PRKACB: variants seen among roughly 807,000 people sequenced by gnomAD.
PRKACB encodes protein kinase cAMP-activated catalytic subunit beta, also known as cAMP-dependent protein kinase catalytic subunit beta.
A neutral mutation model predicts 51.4 loss-of-function variants in PRKACB; 16 were observed. That is an observed-to-expected ratio of 0.31 (90% CI 0.21 to 0.47). The LOEUF is 0.47. PRKACB is among the 20% of genes least tolerant of loss of function. PRKACB has a pLI of 1.00. For synonymous variants in PRKACB, 147 were observed against 154.4 expected (o/e 0.95, Z 0.35); for missense variants, 309 against 464.5 (o/e 0.67, Z 3.08).
chr1:84,211,623 G>A (rs1239234967), intron 8 of PRKACB, among the ~76,000 whole-genome samples: 1 of 152,096 alleles, frequency 6.6e-6, no homozygotes, highest in African/African-American at 2.4e-5. Flanking sequence ...TTGAATCATG[G>A]AAGGAGAATA....
chr1:84,219,230 T>G (rs1281340589), intron 9 of PRKACB, among the ~76,000 whole-genome samples: 1 of 151,194 alleles, frequency 6.6e-6, no homozygotes, highest in African/African-American at 2.4e-5. Flanking sequence ...TTATTAGGTT[T>G]TTTTTTTTTT....
intron 1 of PRKACB, among the ~76,000 whole-genome samples, chr1:84,166,085 A>C (rs1657372058): frequency 2.0e-5 from 3 of 151,666 alleles, no homozygotes; most frequent in African/African-American, 7.2e-5. Context: ...AAACCTCTTA[A>C]ACACTGTTAT....
At chr1:84,188,121 CA>C (rs1333870253) in intron 5 of PRKACB, among the ~76,000 whole-genome samples, 1 of 151,288 alleles carries the variant, frequency 6.6e-6, no homozygotes, top group African/African-American at 2.4e-5. Context: ...TCTTTTTTTA[CA>C]AAAATATACT....
At chr1:84,173,565 G>A (rs943207330) in intron 1 of PRKACB, among the ~76,000 whole-genome samples, 1 of 151,630 alleles carries the variant, frequency 6.6e-6, no homozygotes, top group East Asian at 1.9e-4. Context: ...TATTTGAATA[G>A]GGGTGGAAGA....
At position 84,235,674 on chromosome 1, in the gene PRKACB, G is replaced by A. The variant is rs1676600721; in HGVS notation, c.*369G>A. On this transcript the variant is annotated 3_prime_UTR_variant, in exon 10 of 10. Coordinates refer to ENST00000370685, the MANE Select transcript of PRKACB (RefSeq NM_182948.4). ...GTGTTATGGCTACGTGATATTTGAA[G>A]GGAAGGATAAGTGTTGCTTTCAGTA... is the stretch of plus-strand genomic sequence containing the variant. 1 of 165,628 alleles carries A rather than the reference G, an allele frequency of 6.0e-6. No homozygotes were observed. The highest frequency in any genetic ancestry group is 1.3e-5 in the Non-Finnish European group (1 of 77,116). The allele number at this position is 165,628 out of a possible 1,614,324, so 10.3% of individuals were successfully genotyped here.
chr1:84,197,788 T>G lies in PRKACB; in HGVS notation c.747T>G (p.Thr249=), dbSNP rs1465095288. The G allele has an allele frequency of 1.2e-6, 2 of 1,611,780 alleles. No individual in the cohort carries two copies. Among genetic ancestry groups the G allele is most frequent in the Non-Finnish European group, 8.5e-7 (1 of 1,178,456 alleles). ...VKGRTWTLCG[T]PEYLAPEIIL... is the part of the protein sequence containing the mutation. ...GCAGAACTTGGACATTATGTGGAAC[T>G]CCAGAGTATTTGGCTCCAGAAATAA... Residue 249 remains threonine (T), a synonymous_variant, in exon 7 of 10, where the codon ACT becomes ACG. Transcript: ENST00000370685.
intron 1 of PRKACB, among the ~76,000 whole-genome samples, chr1:84,100,806 T>C (rs985605993): frequency 4.6e-5 from 7 of 152,264 alleles, no homozygotes; most frequent in African/African-American, 1.2e-4. Flanking sequence ...TACAACTCTT[T>C]GAGGTGGGAA....
intron 1 of PRKACB, among the ~76,000 whole-genome samples, chr1:84,132,322 A>G (rs1652316237): frequency 6.6e-6 from 1 of 152,194 alleles, no homozygotes; most frequent in African/African-American, 2.4e-5. Context: ...CTCAAAGTCA[A>G]TGGATGAGAC....
At chr1:84,199,923 A>G (rs1572373568) in intron 7 of PRKACB, among the ~76,000 whole-genome samples, 2 of 151,816 alleles carry the variant, frequency 1.3e-5, no homozygotes, top group Admixed American at 6.6e-5. Context: ...TCGGTTCACT[A>G]CAACCTCTGC....
chr1:84,202,886 T>A lies in PRKACB; in HGVS notation c.906+81T>A, dbSNP rs557205375. The A allele has an allele frequency of 1.5e-5, 18 of 1,207,682 alleles. No homozygotes were observed. The South Asian group carries it at 3.3e-4, about 22-fold the overall frequency. The allele number at this position is 1,207,682 out of a possible 1,614,324, so 74.8% of individuals were successfully genotyped here. On this transcript the variant is annotated intron_variant, in intron 8 of 9. Coordinates refer to ENST00000370685, the MANE Select transcript of PRKACB (RefSeq NM_182948.4). ...CATGAATTGAAACTATATTGTGTCA[T>A]AATTATTATTCTACATTGGGAAAAA...
At chr1:84,169,881 CT>C (rs1426085786) in intron 1 of PRKACB, among the ~76,000 whole-genome samples, 2 of 151,578 alleles carry the variant, frequency 1.3e-5, no homozygotes, top group African/African-American at 4.8e-5. Flanking sequence ...GTCTTTGCAT[CT>C]TACAATCTAA....
chr1:84,133,030 A>G (rs1043008952), intron 1 of PRKACB, among the ~76,000 whole-genome samples: 2 of 152,156 alleles, frequency 1.3e-5, no homozygotes, highest in Non-Finnish European at 2.9e-5. Flanking sequence ...AACCTCAGAA[A>G]ATATCAAGCA....
At chr1:84,094,600 C>T (rs1167815961) in intron 1 of PRKACB, among the ~76,000 whole-genome samples, 2 of 151,900 alleles carry the variant, frequency 1.3e-5, no homozygotes, top group Admixed American at 1.3e-4. Context: ...TTTGTTGATA[C>T]TTGCCTTATG....
chr1:84,100,800 AC>A (rs1649295210), intron 1 of PRKACB, among the ~76,000 whole-genome samples: 1 of 152,004 alleles, frequency 6.6e-6, no homozygotes, highest in Non-Finnish European at 1.5e-5. Flanking sequence ...AATCTTTACA[AC>A]TCTTTGAGGT....
chr1:84,082,601 T>C (rs12563929), intron 1 of PRKACB, among the ~76,000 whole-genome samples: 7,297 of 152,282 alleles, frequency 0.048, 235 homozygotes, highest in Middle Eastern at 0.11. Flanking sequence ...TTAAAAGTAT[T>C]GGCAAATTCT....
At chr1:84,117,888 G>T (rs914134727) in intron 1 of PRKACB, among the ~76,000 whole-genome samples, 10 of 152,102 alleles carry the variant, frequency 6.6e-5, no homozygotes, top group Admixed American at 1.3e-4. Flanking sequence ...ATGTTAATTT[G>T]TAATCTTTCT....
upstream of PRKACB, among the ~76,000 whole-genome samples, chr1:84,141,062 G>A (rs1653360622): frequency 6.6e-6 from 1 of 151,418 alleles, no homozygotes; most frequent in South Asian, 2.1e-4. Context: ...CCAATATTTT[G>A]TGGTATTTTG....
At chr1:84,214,126 GT>G in intron 8 of PRKACB, 26 bp from the exon 9 acceptor site, 5 of 1,574,602 alleles carry the variant, frequency 3.2e-6, no homozygotes, top group Non-Finnish European at 4.3e-6. Flanking sequence ...TAGAATGTGT[GT>G]TTTACCAAAT....
intron 1 of PRKACB, among the ~76,000 whole-genome samples, chr1:84,093,072 C>A (rs1648622581): frequency 6.6e-6 from 1 of 152,064 alleles, no homozygotes; most frequent in Non-Finnish European, 1.5e-5. Flanking sequence ...CTCCTTCATA[C>A]TGTTTAATAA....
Sources: allele counts gnomAD v4.1 joint callset (sites outside exome capture counted in the v4.1 genomes callset), GRCh38; gene constraint gnomAD v4.1.1; transcripts MANE v1.5; gene names NCBI Gene and HGNC (gene_info 2026-07-23, HGNC 2026-07-21).